PIWIL2: variants seen among roughly 807,000 people sequenced by gnomAD.
PIWIL2 encodes piwi-like protein 2.
A neutral mutation model predicts 116.5 loss-of-function variants in PIWIL2; 81 were observed. The observed-to-expected ratio is 0.70, with a 90% CI of 0.58 to 0.84. PIWIL2 has a LOEUF of 0.84. PIWIL2 is among the 40% of genes least tolerant of loss of function. The pLI, the probability that PIWIL2 is intolerant of heterozygous loss-of-function variation, is 0.00. For synonymous variants in PIWIL2, 489 were observed against 429.5 expected, an observed-to-expected ratio of 1.14 and a Z score of -1.71; for missense variants, 1,272 against 1,212.3, an observed-to-expected ratio of 1.05 and a Z score of -0.73.
chr8:22,352,811 TCCCTGCCC>T, intron 20 of PIWIL2, 140 bp from the exon 21 acceptor site: 3 of 711,394 alleles, frequency 4.2e-6, no homozygotes, highest in African/African-American at 1.8e-5. Context: ...AAGCTTTTTT[TCCCTGCCC>T]TCTAGGCACA....
intron 20 of PIWIL2, among the ~76,000 whole-genome samples, chr8:22,349,756 T>C (rs1832314009): frequency 6.6e-6 from 1 of 152,134 alleles, no homozygotes; most frequent in Admixed American, 6.6e-5. Flanking sequence ...GTACAGAGGC[T>C]CAGAGGATTG....
intron 10 of PIWIL2, among the ~76,000 whole-genome samples, chr8:22,293,840 T>G (rs536932023): frequency 6.6e-6 from 1 of 152,334 alleles, no homozygotes; most frequent in East Asian, 1.9e-4. Context: ...TACTGTACTT[T>G]TTTTGGTTTT....
intron 1 of PIWIL2, among the ~76,000 whole-genome samples, chr8:22,276,377 G>C (rs1163720635): frequency 6.6e-6 from 1 of 152,202 alleles, no homozygotes; most frequent in Admixed American, 6.5e-5. Flanking sequence ...GTGCAGTGGC[G>C]TGATCTCTGC....
At chr8:22,317,875 A>G (rs1438984486) in intron 19 of PIWIL2, among the ~76,000 whole-genome samples, 3 of 151,916 alleles carry the variant, frequency 2.0e-5, no homozygotes, top group Admixed American at 6.6e-5. Context: ...GTTAGCCAGG[A>G]TGGTCTCGAT....
Position 22,356,372 on chromosome 8 carries a change from G to C in PIWIL2, c.*867G>C, listed in dbSNP as rs371514808. The stretch of plus-strand genomic sequence containing the variant: ...CCTCTCTGGGGATTGAATTGATGAC[G>C]ACTGTGACTTGAGTTGGATTCGAAA... On this transcript the variant is annotated 3_prime_UTR_variant, in exon 23 of 23. Transcript: ENST00000356766. The C allele has an allele frequency of 6.6e-6, 1 of 152,172 alleles. No individual in the cohort carries two copies. The allele number at this position is 152,172 out of a possible 1,614,324, so 9.4% of individuals were successfully genotyped here.
chr8:22,353,764 CTTTTTTTTT>C (rs760913894), intron 21 of PIWIL2, among the ~76,000 whole-genome samples: 72 of 68,368 alleles, frequency 1.1e-3, no homozygotes, highest in African/African-American at 3.3e-3. Context: ...GTTTCTACCA[CTTTTTTTTT>C]TTTTTTTTTT....
intron 10 of PIWIL2, among the ~76,000 whole-genome samples, chr8:22,294,572 C>T (rs1437276773): frequency 6.8e-5 from 9 of 132,448 alleles, no homozygotes; most frequent in African/African-American, 2.6e-4. Flanking sequence ...ACCCAGGAGG[C>T]GGAGCTTGCA....
intron 20 of PIWIL2, among the ~76,000 whole-genome samples, chr8:22,342,871 CTG>C (rs1442723224): frequency 6.6e-6 from 1 of 152,176 alleles, no homozygotes; most frequent in African/African-American, 2.4e-5. Flanking sequence ...TGATAAAGGA[CTG>C]TTATAAAGTA....
chr8:22,333,869 A>T (rs994588658), intron 20 of PIWIL2, among the ~76,000 whole-genome samples: 9 of 152,078 alleles, frequency 5.9e-5, no homozygotes, highest in Admixed American at 1.3e-4. Context: ...TAGCATATGA[A>T]TTATAGCTCA....
At chr8:22,296,035 T>A in intron 10 of PIWIL2, among the ~76,000 whole-genome samples, 1 of 20,182 alleles carries the variant, frequency 5.0e-5, no homozygotes, top group Non-Finnish European at 7.8e-5. Flanking sequence ...TTTTTTTTTT[T>A]TTTTTTTTTT....
rs772342315 is a variant in PIWIL2, at chr8:22,287,485, G to A, written c.744-43G>A. 2.4e-6 allele frequency: 3 copies of A among 1,271,530 alleles called. No individual in the cohort carries two copies. The African/African-American group carries it at 4.4e-5, about 19-fold the overall frequency. 78.8% of individuals were successfully genotyped at this position (1,271,530 alleles called of 1,614,324 possible). ...TTGCACAGCTCTGGTAAAGATTGCA[G>A]TTTGAGTCAAGTTAAAGGAAAATCC... On this transcript the variant is annotated intron_variant, in intron 6 of 22. Transcript: ENST00000356766.
intron 20 of PIWIL2, among the ~76,000 whole-genome samples, chr8:22,339,506 CAA>C (rs60263168): frequency 6.8e-6 from 1 of 147,586 alleles, no homozygotes; most frequent in Non-Finnish European, 1.5e-5. Context: ...GACTCCATCT[CAA>C]AAAAAAAACT....
At chr8:22,323,604 T>C (rs1055826784) in intron 20 of PIWIL2, among the ~76,000 whole-genome samples, 2 of 152,218 alleles carry the variant, frequency 1.3e-5, no homozygotes, top group Non-Finnish European at 2.9e-5. Flanking sequence ...TGATTATTAA[T>C]ATCAGCATCA....
chr8:22,343,593 G>A (rs909644102), intron 20 of PIWIL2, among the ~76,000 whole-genome samples: 4 of 152,178 alleles, frequency 2.6e-5, no homozygotes, highest in Non-Finnish European at 4.4e-5. Context: ...GCGAGACTCC[G>A]TCTCAAAAAT....
chr8:22,284,859 T>C (rs1039279431), intron 6 of PIWIL2, among the ~76,000 whole-genome samples: 2 of 152,180 alleles, frequency 1.3e-5, no homozygotes, highest in Non-Finnish European at 2.9e-5. Context: ...TCTCTTAATA[T>C]CTTAGAGGAG....
intron 20 of PIWIL2, among the ~76,000 whole-genome samples, chr8:22,346,621 T>G (rs1014620123): frequency 1.3e-5 from 2 of 152,192 alleles, no homozygotes; most frequent in Non-Finnish European, 2.9e-5. Context: ...TCTCAAAATT[T>G]TTGATATTAG....
intron 18 of PIWIL2, among the ~76,000 whole-genome samples, chr8:22,315,657 T>C (rs1831441189): frequency 6.6e-6 from 1 of 152,188 alleles, no homozygotes; most frequent in African/African-American, 2.4e-5. Flanking sequence ...AAAACTAAGA[T>C]GATTATTCCG....
intron 10 of PIWIL2, among the ~76,000 whole-genome samples, chr8:22,290,975 T>TATATATATATA (rs947701007): frequency 6.7e-5 from 10 of 149,508 alleles, no homozygotes; most frequent in South Asian, 2.1e-4. Context: ...TGTATATATA[T>TATATATATATA]TTTTTTTAAT....
chr8:22,316,999 C>T (rs754992578), intron 19 of PIWIL2, among the ~76,000 whole-genome samples: 2 of 152,002 alleles, frequency 1.3e-5, no homozygotes, highest in African/African-American at 2.4e-5. Flanking sequence ...AGGCTGGTCT[C>T]AAACTCCTGG....
Sources: gnomAD v4.1 joint callset for allele counts (sites outside exome capture counted in the v4.1 genomes callset) on GRCh38, gnomAD v4.1.1 for gene constraint, MANE v1.5 for transcripts, NCBI Gene and HGNC (gene_info 2026-07-23, HGNC 2026-07-21) for gene names.